THAP5: variants seen among roughly 807,000 people sequenced by gnomAD.
THAP5 encodes THAP domain containing 5, also known as THAP domain-containing protein 5.
In THAP5, 26 loss-of-function variants were observed where a neutral mutation model predicts 34.0. The ratio of observed to expected loss-of-function variants is 0.77; its 90% CI spans 0.56 to 1.06. The LOEUF is 1.06. THAP5 is among the 50% of genes least tolerant of loss of function. The pLI is 0.00. For missense variants in THAP5, 394 were observed against 452.8 expected (o/e 0.87, Z 1.18); for synonymous variants, 125 against 153.0 (o/e 0.82, Z 1.35).
chr7:108,554,700 CTA>C (rs1223238629), exon 2 of THAP5: 4 of 152,206 alleles, frequency 2.6e-5, no homozygotes, highest in African/African-American at 9.6e-5. Flanking sequence ...TCCATCTAGT[CTA>C]TTTCTCTGAA....
chr7:108,565,899 G>C lies in THAP5; in HGVS notation c.204C>G (p.Ile68Met), dbSNP rs1790476864. Residue 68 changes from isoleucine (I) to methionine (M), a missense_variant, in exon 2 of 3, where the codon ATC (isoleucine) becomes ATG (methionine). By Grantham distance (10) the Ile-to-Met change is conservative. Coordinates refer to ENST00000415914, the MANE Select transcript of THAP5 (RefSeq NM_001130475.3). The stretch of plus-strand genomic sequence containing the variant: ...GTTTTAAATATCGAATACCCCATCT[G>C]ATGTCAAGAGAGTCAGGAGTAAAAT... ...SDHFTPDSLD[I>M]RWGIRYLKQT... 1 of 1,549,544 alleles carries C rather than the reference G, an allele frequency of 6.5e-7. No individual in the cohort carries two copies. The highest frequency in any genetic ancestry group is 2.0e-5 in the Admixed American group (1 of 50,720).
chr7:108,569,022 AG>A (rs1285356727), intron 1 of THAP5: 32 of 824,676 alleles, frequency 3.9e-5, no homozygotes, highest in Non-Finnish European at 5.9e-6. Flanking sequence ...TAAACTTTCA[AG>A]GTCGGTTACC....
exon 2 of THAP5, chr7:108,554,663 G>C (rs565884401): frequency 7.9e-5 from 12 of 152,252 alleles, no homozygotes; most frequent in Middle Eastern, 3.4e-3. Flanking sequence ...TCTTCAAGTA[G>C]CCTCATTTAC....
chr7:108,569,373 C>T lies in THAP5; in HGVS notation c.80+117G>A, dbSNP rs771702338. Reference sequence around the variant, plus strand: ...CCTCCGTCTTGCCGCGGGCGACGGGCCACGTACGGAGAGCTGAGGACTCAC... The same window carrying T: ...CCTCCGTCTTGCCGCGGGCGACGGGTCACGTACGGAGAGCTGAGGACTCAC... On this transcript the variant is annotated intron_variant, in intron 1 of 2. Coordinates refer to ENST00000415914, the MANE Select transcript of THAP5 (RefSeq NM_001130475.3). 51 of 1,516,216 alleles carry T rather than the reference C, an allele frequency of 3.4e-5. No homozygotes were observed. In the Admixed American group the frequency reaches 3.5e-4, roughly 11 times the overall value. 93.9% of individuals were successfully genotyped at this position (1,516,216 alleles called of 1,614,324 possible).
the THAP5 span, among the ~76,000 whole-genome samples, chr7:108,548,896 G>A: frequency 6.6e-6 from 1 of 152,086 alleles, no homozygotes; most frequent in Non-Finnish European, 1.5e-5. Context: ...CAGTCCTGAA[G>A]GATGAATAGG....
At chr7:108,567,797 G>T (rs1450629689) in intron 1 of THAP5, among the ~76,000 whole-genome samples, 3 of 152,050 alleles carry the variant, frequency 2.0e-5, no homozygotes, top group Admixed American at 2.0e-4. Context: ...TTATTTTGTG[G>T]ATTACACAAG....
chr7:108,565,252 A>C, intron 2 of THAP5, 147 bp from the exon 3 acceptor site: 1 of 575,134 alleles, frequency 1.7e-6, no homozygotes, highest in Non-Finnish European at 2.9e-6. Flanking sequence ...ACCTTAAAGT[A>C]TTTTCTAAAA....
At chr7:108,560,897 C>T (rs370548501), downstream of THAP5, among the ~76,000 whole-genome samples, 3 of 152,018 alleles carry the variant, frequency 2.0e-5, no homozygotes, top group Admixed American at 6.6e-5. Context: ...ACTACCATGC[C>T]GAGCTAATTT....
intron 1 of THAP5, among the ~76,000 whole-genome samples, chr7:108,567,573 TTA>T (rs1790512182): frequency 1.3e-5 from 2 of 152,186 alleles, no homozygotes; most frequent in African/African-American, 4.8e-5. Flanking sequence ...CCTGAATAAA[TTA>T]TGTCTTTATA....
At chr7:108,545,968 G>C in the THAP5 span, among the ~76,000 whole-genome samples, 1 of 152,150 alleles carries the variant, frequency 6.6e-6, no homozygotes, top group African/African-American at 2.4e-5. Flanking sequence ...GGATAGAGTT[G>C]AGATACACAG....
the THAP5 span, among the ~76,000 whole-genome samples, chr7:108,549,099 C>CACACACACACAT: frequency 6.7e-6 from 1 of 148,996 alleles, no homozygotes; most frequent in African/African-American, 2.5e-5. Context: ...TACACACACA[C>CACACACACACAT]ACACACACAC....
chr7:108,543,000 C>T, the THAP5 span, among the ~76,000 whole-genome samples: 1 of 151,978 alleles, frequency 6.6e-6, no homozygotes, highest in African/African-American at 2.4e-5. Flanking sequence ...GATCTCGGCT[C>T]ATTGGAACCT....
At chr7:108,543,938 G>A in the THAP5 span, among the ~76,000 whole-genome samples, 2 of 152,064 alleles carry the variant, frequency 1.3e-5, no homozygotes, top group Non-Finnish European at 2.9e-5. Flanking sequence ...TATATATAAT[G>A]GGGGGTAGGC....
In THAP5 at chr7:108,565,931, T is replaced by A. The variant is rs139972847; in HGVS notation, c.172A>T (p.Ser58Cys). ...AGAGAGTCAGGAGTAAAATGGTCAC[T>A]ACATAGAAACTGGTATTTACTGGGA... ...WVPSKYQFLC[S>C]DHFTPDSLDI... Residue 58 changes from serine to cysteine, a missense_variant, in exon 2 of 3, where the codon AGT (serine) becomes TGT (cysteine). Transcript: ENST00000415914. 6.4e-7 allele frequency: 1 copy of A among 1,551,030 alleles called. No homozygotes were observed. The highest frequency in any genetic ancestry group is 1.4e-5 in the African/African-American group (1 of 73,006).
At chr7:108,568,700 G>A (rs1294725516) in intron 1 of THAP5, 2 of 153,858 alleles carry the variant, frequency 1.3e-5, no homozygotes, top group African/African-American at 4.8e-5. Context: ...CTTTTCATGT[G>A]TTATTAATCA....
chr7:108,568,647 T>C (rs912163550), intron 1 of THAP5: 1 of 154,634 alleles, frequency 6.5e-6, no homozygotes, highest in African/African-American at 2.4e-5. Flanking sequence ...GAATTGTTTT[T>C]AAATACAAGA....
chr7:108,560,559 ATTAACAGAGGAAGCTGAAGAT>A (rs548512332), downstream of THAP5, among the ~76,000 whole-genome samples: 1 of 152,336 alleles, frequency 6.6e-6, no homozygotes, highest in South Asian at 2.1e-4. Context: ...GACTGAGCTA[ATTAACAGAGGAAGCTGAAGAT>A]TCATAATGTA....
At position 108,569,175 on chromosome 7, in the gene THAP5, G is replaced by A. The variant is rs2233129; in HGVS notation, c.80+315C>T. 2.9e-4 allele frequency: 363 copies of A among 1,244,016 alleles called. 1 individual carries two copies. The African/African-American group carries it at 4.0e-3, about 14-fold the overall frequency. The allele number at this position is 1,244,016 out of a possible 1,614,324, so 77.1% of individuals were successfully genotyped here. A position where few individuals can be genotyped will look rare whatever the true frequency, so the allele number is the denominator to read the frequency against. The stretch of plus-strand genomic sequence containing the variant: ...TCACGTATCTTAAATGGTGGTTAAT[G>A]TTGTTCAATGAAATGAGATCACGTG... On this transcript the variant is annotated intron_variant, in intron 1 of 2. Transcript: ENST00000415914.
the THAP5 span, among the ~76,000 whole-genome samples, chr7:108,543,525 G>C: frequency 2.0e-5 from 3 of 152,194 alleles, no homozygotes; most frequent in Non-Finnish European, 2.9e-5. Context: ...CTGCCATCAC[G>C]ATGGTACTAC....
Sources: allele counts gnomAD v4.1 joint callset (sites outside exome capture counted in the v4.1 genomes callset), GRCh38; gene constraint gnomAD v4.1.1; transcripts MANE v1.5; gene names NCBI Gene and HGNC (gene_info 2026-07-23, HGNC 2026-07-21).